Variants in TOP1 observed in about 807,000 individuals in gnomAD.
TOP1 encodes the protein DNA topoisomerase I, also known as DNA topoisomerase 1.
Under a neutral mutation model 111.1 loss-of-function variants are expected in TOP1, and 10 were observed. That is an observed-to-expected ratio of 0.09 (90% CI 0.06 to 0.15). The LOEUF is 0.15. Ranked by LOEUF, TOP1 falls within the 10% of genes least tolerant of loss-of-function variation. TOP1 has a pLI of 1.00. For synonymous variants in TOP1, 271 were observed against 302.9 expected, an observed-to-expected ratio of 0.89 and a Z score of 1.10; for missense variants, 474 against 926.7, an observed-to-expected ratio of 0.51 and a Z score of 6.34.
Position 41,098,369 on chromosome 20 carries a change from T to C in TOP1, c.975+32T>C. ...CAGAATTTATTAAACCTCTGGAGAA[T>C]TCTGGAATTGTGATTGGTTCATTTA... On this transcript the variant is annotated intron_variant, in intron 11 of 20. Coordinates refer to ENST00000361337, the MANE Select transcript of TOP1 (RefSeq NM_003286.4). The surrounding 1 kb of genome is among the most constrained non-coding windows in gnomAD (Gnocchi z 5.7). 1 of 1,600,956 alleles carries C rather than the reference T, an allele frequency of 6.2e-7. No homozygotes were observed. The highest frequency in any genetic ancestry group is 8.5e-7 in the Non-Finnish European group (1 of 1,175,658).
rs1448627295 is a variant in TOP1, at chr20:41,046,392, TACAAA to T, written c.59-14997_59-14993del. On this transcript the variant is annotated intron_variant, in intron 2 of 20. Transcript: ENST00000361337. This position sits in a 1 kb window ranked among gnomAD's most constrained non-coding sequence, Gnocchi z 4.3. ...CCACAGCCTGAGTTCTTAGTTGTGA[TACAAA>T]ACAAGGTAAAGGGGGACCTGGGGTG... 6.6e-6 allele frequency among the ~76,000 whole-genome samples: 1 copy of T among 152,206 alleles called. No homozygotes were observed.
Position 41,029,169 on chromosome 20 carries a change from C to T in TOP1, c.33+69C>T, listed in dbSNP as rs2033081909. 1.4e-5 allele frequency: 17 copies of T among 1,245,320 alleles called. No individual in the cohort carries two copies. The South Asian group carries it at 2.8e-4, about 20-fold the overall frequency. The allele number at this position is 1,245,320 out of a possible 1,614,324, so 77.1% of individuals were successfully genotyped here. Reference sequence around the variant, plus strand: ...CCGTCCCGCGACCCCCGGCGCAGGCCCCGACCCCAGCCCCGGCCCGGCAGC... The same window carrying T: ...CCGTCCCGCGACCCCCGGCGCAGGCTCCGACCCCAGCCCCGGCCCGGCAGC... On this transcript the variant is annotated intron_variant, in intron 1 of 20. Transcript: ENST00000361337. This position sits in a 1 kb window ranked among gnomAD's most constrained non-coding sequence, Gnocchi z 6.1.
In TOP1 at chr20:41,112,950, T is replaced by C. The variant is rs745752225; in HGVS notation, c.1452+25T>C. 9 of 1,609,496 alleles carry C rather than the reference T, an allele frequency of 5.6e-6. No homozygotes were observed. In the South Asian group the frequency reaches 8.8e-5, roughly 16 times the overall value. Reference sequence around the variant, plus strand: ...GGTGAGAGCATCTTCCCATCGGCATTGTCTAGTGTTGAGCTTAACAAAGGG... The same window carrying C: ...GGTGAGAGCATCTTCCCATCGGCATCGTCTAGTGTTGAGCTTAACAAAGGG... On this transcript the variant is annotated intron_variant, in intron 14 of 20. Coordinates refer to ENST00000361337, the MANE Select transcript of TOP1 (RefSeq NM_003286.4). This position sits in a 1 kb window ranked among gnomAD's most constrained non-coding sequence, Gnocchi z 5.8.
At chr20:41,042,800 G>A (rs1042909886) in intron 2 of TOP1, among the ~76,000 whole-genome samples, 4 of 152,110 alleles carry the variant, frequency 2.6e-5, no homozygotes, top group African/African-American at 4.8e-5. Context: ...CACACATTTT[G>A]TATGTTATAT....
At chr20:41,066,164 G>T (rs542357874) in intron 3 of TOP1, among the ~76,000 whole-genome samples, 1 of 151,690 alleles carries the variant, frequency 6.6e-6, no homozygotes, top group African/African-American at 2.4e-5. Flanking sequence ...ATTCTACTTT[G>T]TTTTGGGAGG....
chr20:41,073,492 A>G, intron 3 of TOP1: 3 of 985,106 alleles, frequency 3.0e-6, no homozygotes, highest in Non-Finnish European at 3.6e-6. Flanking sequence ...CGATGGTAAA[A>G]TAAAGCTAGG....
Position 41,110,780 on chromosome 20 carries a change from AC to A in TOP1, c.1309-2000del, listed in dbSNP as rs1174489363. Among the ~76,000 whole-genome samples, 1 of 152,150 alleles carries A rather than the reference AC, an allele frequency of 6.6e-6. No individual in the cohort carries two copies. Among genetic ancestry groups the A allele is most frequent in the Non-Finnish European group, 1.5e-5 (1 of 68,026 alleles). ...TGTCTTCTTGAGATGGTTTTGTGAG[AC>A]CTTGCCTGGAAGACCTAGGTGGATA... is the stretch of plus-strand genomic sequence containing the variant. On this transcript the variant is annotated intron_variant, in intron 13 of 20. Transcript: ENST00000361337. The surrounding 1 kb of genome is among the most constrained non-coding windows in gnomAD (Gnocchi z 4.2).
In TOP1 at chr20:41,097,245, A is replaced by G. The variant is rs369050399; in HGVS notation, c.756A>G (p.Lys252=). 1.4e-5 allele frequency: 23 copies of G among 1,613,988 alleles called. No individual in the cohort carries two copies. The highest frequency in any genetic ancestry group is 1.9e-5 in the Non-Finnish European group (22 of 1,180,026). The part of the protein sequence containing the change: ...YDGKVMKLSP[K]AEEVATFFAK... ...GTAAAGTCATGAAGCTGAGCCCCAA[A>G]GCAGAGGAAGTAGCTACGTTCTTTG... is the stretch of plus-strand genomic sequence containing the variant. The change falls in exon 10 of 21, where the codon AAA becomes AAG. Residue 252 remains lysine, a synonymous_variant. Transcript: ENST00000361337. The surrounding 1 kb of genome is among the most constrained non-coding windows in gnomAD (Gnocchi z 4.2).
Position 41,121,996 on chromosome 20 carries a change from A to C in TOP1, c.2046-10A>C. ...AGGCCTGGTTCTTGAGGACTTTGCTATTCTTCTAGGGTAGTAGAGTCAAAG... is the reference window on the plus strand; with the variant it reads ...AGGCCTGGTTCTTGAGGACTTTGCTCTTCTTCTAGGGTAGTAGAGTCAAAG... On this transcript the variant is annotated splice_polypyrimidine_tract_variant and intron_variant, in intron 19 of 20. Transcript: ENST00000361337. The surrounding 1 kb of genome is among the most constrained non-coding windows in gnomAD (Gnocchi z 4.2). The C allele has an allele frequency of 6.2e-7, 1 of 1,613,536 alleles. No homozygotes were observed. The highest frequency in any genetic ancestry group is 1.1e-5 in the South Asian group (1 of 91,038).
At chr20:41,045,731 G>A (rs1304265816) in intron 2 of TOP1, among the ~76,000 whole-genome samples, 2 of 152,184 alleles carry the variant, frequency 1.3e-5, no homozygotes, top group African/African-American at 4.8e-5. Flanking sequence ...ATTGTTATCA[G>A]TAATAAGTCA....
In TOP1 at chr20:41,071,950, T is replaced by C. The variant is rs188896693; in HGVS notation, c.156-4221T>C. Among the ~76,000 whole-genome samples, 1 of 152,246 alleles carries C rather than the reference T, an allele frequency of 6.6e-6. No individual in the cohort carries two copies. The highest frequency in any genetic ancestry group is 1.5e-5 in the Non-Finnish European group (1 of 68,044). The stretch of plus-strand genomic sequence containing the variant: ...AGTTCTAGGACTGCTACTGTCTGTA[T>C]TTTTGTCCTTCAGCATATCCCAGAC... On this transcript the variant is annotated intron_variant, in intron 3 of 20. Coordinates refer to ENST00000361337, the MANE Select transcript of TOP1 (RefSeq NM_003286.4). This position sits in a 1 kb window ranked among gnomAD's most constrained non-coding sequence, Gnocchi z 4.3.
In TOP1 at chr20:41,094,304, T is replaced by C. The variant is rs1371762771; in HGVS notation, c.730+1717T>C. ...ATTCCTGGAGACTCTTAACTATAAC[T>C]CAAAGCCAAAACTCCTAATTAAGAG... On this transcript the variant is annotated intron_variant, in intron 9 of 20. Coordinates refer to ENST00000361337, the MANE Select transcript of TOP1 (RefSeq NM_003286.4). This position sits in a 1 kb window ranked among gnomAD's most constrained non-coding sequence, Gnocchi z 4.4. 2.0e-5 allele frequency among the ~76,000 whole-genome samples: 3 copies of C among 152,092 alleles called. No homozygotes were observed.
chr20:41,071,576 C>A lies in TOP1; in HGVS notation c.156-4595C>A, dbSNP rs1005611836. On this transcript the variant is annotated intron_variant, in intron 3 of 20. Transcript: ENST00000361337. The surrounding 1 kb of genome is among the most constrained non-coding windows in gnomAD (Gnocchi z 4.3). ...CCCAGGCTGGTCTCGAACTCCTGAC[C>A]TCAGGTGATCTGCCCGCCTCGGCCT... is the stretch of plus-strand genomic sequence containing the variant. Among the ~76,000 whole-genome samples, 1 of 151,758 alleles carries A rather than the reference C, an allele frequency of 6.6e-6. No individual in the cohort carries two copies. Among genetic ancestry groups the A allele is most frequent in the Non-Finnish European group, 1.5e-5 (1 of 67,936 alleles).
Position 41,032,060 on chromosome 20 carries a change from G to T in TOP1, c.58+2605G>T, listed in dbSNP as rs907682955. Among the ~76,000 whole-genome samples the T allele has an allele frequency of 5.3e-5, 8 of 152,142 alleles. No individual in the cohort carries two copies. Among genetic ancestry groups the T allele is most frequent in the Admixed American group, 3.9e-4 (6 of 15,272 alleles). On this transcript the variant is annotated intron_variant, in intron 2 of 20. Transcript: ENST00000361337. This position sits in a 1 kb window ranked among gnomAD's most constrained non-coding sequence, Gnocchi z 4.3. ...AACTATGAAAAAAACTTTAAAAAAA[G>T]TAGAAATCAATGTTTAATTATGCCC... is the stretch of plus-strand genomic sequence containing the variant.
At chr20:41,091,014 G>C (rs1010042923) in intron 8 of TOP1, among the ~76,000 whole-genome samples, 4 of 152,068 alleles carry the variant, frequency 2.6e-5, no homozygotes, top group Non-Finnish European at 5.9e-5. Flanking sequence ...CACTATTGTT[G>C]AAAAAACTGT....
At chr20:41,089,020 C>CTTTGTTTTTTTTTTTTTTTTTT (rs2033883494) in intron 8 of TOP1, among the ~76,000 whole-genome samples, 1 of 77,926 alleles carries the variant, frequency 1.3e-5, no homozygotes, top group African/African-American at 6.3e-5. Flanking sequence ...TGCCCCAGTT[C>CTTTGTTTTTTTTTTTTTTTTTT]TTTTTTTTTT....
chr20:41,111,632 T>C (rs2034243536), intron 13 of TOP1, among the ~76,000 whole-genome samples: 2 of 125,118 alleles, frequency 1.6e-5, no homozygotes, highest in African/African-American at 6.1e-5. Context: ...GGTCATGCTC[T>C]GTTGCCCAGG....
intron 2 of TOP1, among the ~76,000 whole-genome samples, chr20:41,056,546 T>G (rs1431463223): frequency 6.6e-6 from 1 of 152,184 alleles, no homozygotes; most frequent in African/African-American, 2.4e-5. Flanking sequence ...AGTGTGGTGA[T>G]GTAATCATAG....
chr20:41,113,492 C>T (rs1459540775), intron 14 of TOP1, among the ~76,000 whole-genome samples: 2 of 152,058 alleles, frequency 1.3e-5, no homozygotes, highest in East Asian at 3.8e-4. Context: ...GGAAGTAACA[C>T]TGCAGAATCC....
Sources: allele counts gnomAD v4.1 joint callset (sites outside exome capture counted in the v4.1 genomes callset), GRCh38; gene constraint gnomAD v4.1.1; non-coding constraint Gnocchi (gnomAD v3.1); transcripts MANE v1.5; gene names NCBI Gene and HGNC (gene_info 2026-07-23, HGNC 2026-07-21).